The following SHC2 variants were observed in gnomAD, a reference collection of about 807,000 sequenced individuals.
SHC2 encodes the protein SHC adaptor protein 2, also known as SHC-transforming protein 2.
Under a neutral mutation model 60.6 loss-of-function variants are expected in SHC2, and 62 were observed. That is an observed-to-expected ratio of 1.02 (90% CI 0.83 to 1.26). The LOEUF (loss-of-function observed/expected upper bound fraction) is 1.26, where lower values mean the gene tolerates loss of function less well. SHC2 is among the 50% of genes most tolerant of loss of function. The probability of loss-of-function intolerance (pLI) is 0.00; values close to 1 mark genes in which losing one functional copy is unlikely to be tolerated. For synonymous variants in SHC2, 375 were observed against 372.4 expected (o/e 1.01, Z -0.08); for missense variants, 873 against 822.2 (o/e 1.06, Z -0.76).
intron 7 of SHC2, among the ~76,000 whole-genome samples, chr19:435,346 G>A (rs1377272556): frequency 6.6e-6 from 1 of 152,266 alleles, no homozygotes; most frequent in Non-Finnish European, 1.5e-5. Context: ...TCGCTGCTGG[G>A]ATAAATTATG....
At chr19:430,160 C>T (rs1157461251) in intron 9 of SHC2, among the ~76,000 whole-genome samples, 1 of 148,800 alleles carries the variant, frequency 6.7e-6, no homozygotes, top group African/African-American at 2.5e-5. Flanking sequence ...AACCTGATAC[C>T]GTGTGGATGA....
chr19:422,232 T>A lies in SHC2; in HGVS notation c.1534A>T (p.Ser512Cys). 1 of 1,612,556 alleles carries A rather than the reference T, an allele frequency of 6.2e-7. No homozygotes were observed. Among genetic ancestry groups the A allele is most frequent in the East Asian group, 2.2e-5 (1 of 44,858 alleles). Residue 512 changes from serine (S) to cysteine (C), a missense_variant, in exon 11 of 13, where the codon AGC (serine) becomes TGC (cysteine). Transcript: ENST00000264554. This position sits in a 1 kb window ranked among gnomAD's most constrained non-coding sequence, Gnocchi z 5.0. The stretch of plus-strand genomic sequence containing the variant: ...ACATACTGCCCGGGGTTGGTGACGC[T>A]GTCTCGCACAAGGAAGTCCCCGTCA... Reference protein sequence around the residue: ...RADGDFLVRDSVTNPGQYVLT... With the variant: ...RADGDFLVRDCVTNPGQYVLT...
chr19:437,266 G>C (rs140456638), intron 4 of SHC2, among the ~76,000 whole-genome samples: 9 of 151,032 alleles, frequency 6.0e-5, no homozygotes, highest in Admixed American at 1.3e-4. Flanking sequence ...TTGCGTGCTC[G>C]TCTGCGTGCT....
rs999321379 is a variant in SHC2, at chr19:441,854, G to A, written c.469-922C>T. Among the ~76,000 whole-genome samples the A allele has an allele frequency of 6.6e-6, 1 of 152,218 alleles. No homozygotes were observed. The highest frequency in any genetic ancestry group is 1.5e-5 in the Non-Finnish European group (1 of 68,038). ...CTCAGTTTCTTTAAATGATCAACAC[G>A]CAAACACTTTGACCCTGCAGCTCCA... is the stretch of plus-strand genomic sequence containing the variant. On this transcript the variant is annotated intron_variant, in intron 1 of 12. Coordinates refer to ENST00000264554, the MANE Select transcript of SHC2 (RefSeq NM_012435.3). This position sits in a 1 kb window ranked among gnomAD's most constrained non-coding sequence, Gnocchi z 4.9.
At chr19:427,275 CG>C (rs1195315476) in intron 9 of SHC2, among the ~76,000 whole-genome samples, 1 of 152,230 alleles carries the variant, frequency 6.6e-6, no homozygotes, top group African/African-American at 2.4e-5. Flanking sequence ...ACTGCACAGC[CG>C]CCTCCAGGGT....
At chr19:454,790 CAA>C (rs67330354) in intron 1 of SHC2, among the ~76,000 whole-genome samples, 85 of 145,844 alleles carry the variant, frequency 5.8e-4, no homozygotes, top group Non-Finnish European at 4.8e-4. Flanking sequence ...AACTCTGTCT[CAA>C]AAAAAAAAAA....
In SHC2 at chr19:446,785, G is replaced by A. The variant is rs1975063909; in HGVS notation, c.469-5853C>T. Among the ~76,000 whole-genome samples, 1 of 152,172 alleles carries A rather than the reference G, an allele frequency of 6.6e-6. No homozygotes were observed. The highest frequency in any genetic ancestry group is 2.1e-4 in the South Asian group (1 of 4,824). The stretch of plus-strand genomic sequence containing the variant: ...AACCCACCCCAGGACGTTAAGGGAA[G>A]GAGCCACTGTACAAGTCAGTAAACC... On this transcript the variant is annotated intron_variant, in intron 1 of 12. Transcript: ENST00000264554. The surrounding 1 kb of genome is among the most constrained non-coding windows in gnomAD (Gnocchi z 5.4).
At chr19:428,853 A>G (rs1277939754) in intron 9 of SHC2, among the ~76,000 whole-genome samples, 5 of 152,186 alleles carry the variant, frequency 3.3e-5, no homozygotes, top group African/African-American at 1.2e-4. Context: ...CGCAGTACCT[A>G]TACCCAACAT....
chr19:445,596 G>A lies in SHC2; in HGVS notation c.469-4664C>T, dbSNP rs1296166252. Among the ~76,000 whole-genome samples the A allele has an allele frequency of 2.0e-5, 3 of 152,148 alleles. No homozygotes were observed. The highest frequency in any genetic ancestry group is 2.9e-5 in the Non-Finnish European group (2 of 68,040). ...AAAAGAAAAATTTTTAATTAGCTGA[G>A]CATGGTGAGTGTGGGCCTGTGGTCC... On this transcript the variant is annotated intron_variant, in intron 1 of 12. Coordinates refer to ENST00000264554, the MANE Select transcript of SHC2 (RefSeq NM_012435.3). This position sits in a 1 kb window ranked among gnomAD's most constrained non-coding sequence, Gnocchi z 4.4.
intron 1 of SHC2, among the ~76,000 whole-genome samples, chr19:457,070 ACT>A (rs1373500019): frequency 1.4e-5 from 2 of 138,722 alleles, no homozygotes; most frequent in Admixed American, 7.2e-5. Context: ...CCCGCCTAGA[ACT>A]CTGTCTGCAA....
chr19:451,125 T>A, intron 1 of SHC2, among the ~76,000 whole-genome samples: 1 of 148,872 alleles, frequency 6.7e-6, no homozygotes, highest in East Asian at 2.0e-4. Flanking sequence ...CACATCATAT[T>A]TCAGTGTGTG....
At chr19:447,384 CG>C (rs1427902278) in intron 1 of SHC2, among the ~76,000 whole-genome samples, 1 of 152,212 alleles carries the variant, frequency 6.6e-6, no homozygotes, top group African/African-American at 2.4e-5. Flanking sequence ...GAACTAGACA[CG>C]GGTGAGGGTT....
At chr19:420,608 C>T (rs1377659596) in intron 11 of SHC2, among the ~76,000 whole-genome samples, 2 of 152,142 alleles carry the variant, frequency 1.3e-5, no homozygotes, top group East Asian at 1.9e-4. Context: ...CTGTAAGATG[C>T]GCCATGATTT....
chr19:436,343 GCCACAGGACCC>G (rs1974718273), intron 6 of SHC2, 26 bp downstream of exon 6: 1 of 1,596,036 alleles, frequency 6.3e-7, no homozygotes, highest in East Asian at 2.3e-5. Context: ...GTGCCCCCCA[GCCACAGGACCC>G]CCACCGGCCT....
At chr19:454,330 T>C (rs889662875) in intron 1 of SHC2, among the ~76,000 whole-genome samples, 4 of 151,712 alleles carry the variant, frequency 2.6e-5, no homozygotes, top group Non-Finnish European at 4.4e-5. Flanking sequence ...TCAGGAAAAA[T>C]GTCCCCATTC....
intron 1 of SHC2, among the ~76,000 whole-genome samples, chr19:455,216 C>T (rs556107703): frequency 1.3e-5 from 2 of 152,214 alleles, no homozygotes; most frequent in Admixed American, 6.5e-5. Flanking sequence ...GGGTTCTTCT[C>T]GCAGGAGACA....
At chr19:417,714 C>T (rs16990450) in intron 12 of SHC2, among the ~76,000 whole-genome samples, 11,569 of 152,276 alleles carry the variant, frequency 0.076, 487 homozygotes, top group African/African-American at 0.081. Context: ...CCGGTGCGAA[C>T]GGAACACAGG....
In SHC2 at chr19:425,899, G is replaced by A. The variant is rs952752190; in HGVS notation, c.1175-668C>T. 3.9e-5 allele frequency among the ~76,000 whole-genome samples: 6 copies of A among 151,948 alleles called. No homozygotes were observed. Among genetic ancestry groups the A allele is most frequent in the African/African-American group, 1.5e-4 (6 of 41,344 alleles). On this transcript the variant is annotated intron_variant, in intron 9 of 12. Coordinates refer to ENST00000264554, the MANE Select transcript of SHC2 (RefSeq NM_012435.3). This position sits in a 1 kb window ranked among gnomAD's most constrained non-coding sequence, Gnocchi z 4.1. Reference sequence around the variant, plus strand: ...CAAAAATTAGCTAGGCGTGGTGGTGGGCGCCTGCAATCCCAGCTATTTGGG... The same window carrying A: ...CAAAAATTAGCTAGGCGTGGTGGTGAGCGCCTGCAATCCCAGCTATTTGGG...
intron 1 of SHC2, among the ~76,000 whole-genome samples, chr19:448,107 G>A (rs1273582066): frequency 1.3e-5 from 2 of 152,238 alleles, no homozygotes; most frequent in African/African-American, 2.4e-5. Flanking sequence ...CGTGCACTGC[G>A]ACGTCCCCAT....
Sources: gnomAD v4.1 joint callset for allele counts (sites outside exome capture counted in the v4.1 genomes callset) on GRCh38, gnomAD v4.1.1 for gene constraint, Gnocchi (gnomAD v3.1) non-coding constraint, MANE v1.5 for transcripts, NCBI Gene and HGNC (gene_info 2026-07-23, HGNC 2026-07-21) for gene names.